TG: variants seen among roughly 807,000 people sequenced by gnomAD.
TG encodes the protein thyroid hormones.
In TG, 270 loss-of-function variants were observed where a neutral mutation model predicts 324.7. The ratio of observed to expected loss-of-function variants is 0.83; its 90% CI spans 0.75 to 0.92. The LOEUF (loss-of-function observed/expected upper bound fraction) is 0.92. Ranked by LOEUF, TG falls within the 40% of genes least tolerant of loss-of-function variation. The pLI is 0.00. For synonymous variants in TG, 1,401 were observed against 1,327.0 expected (o/e 1.06, Z -1.21); for missense variants, 3,591 against 3,456.4 (o/e 1.04, Z -0.98).
rs1319840951 is a variant in TG, at chr8:132,898,841, C to T, written c.3261C>T (p.Ser1087=). Residue 1087 remains serine, a synonymous_variant, in exon 14 of 48, where the codon TCC becomes TCT. Coordinates refer to ENST00000220616, the MANE Select transcript of TG (RefSeq NM_003235.5). ...CEKSRTSGLL[S]SWKQARSQEN... is the part of the protein sequence containing the mutation. The stretch of plus-strand genomic sequence containing the variant: ...AATCTCGAACCAGTGGGCTGCTTTC[C>T]AGTTGGAAACAGGCTAGATCCCAAG... The T allele has an allele frequency of 3.1e-6, 5 of 1,614,206 alleles. No individual in the cohort carries two copies. In the South Asian group the frequency reaches 4.4e-5, roughly 14 times the overall value.
At chr8:133,071,191 G>T (rs988656378) in intron 41 of TG, among the ~76,000 whole-genome samples, 1 of 152,194 alleles carries the variant, frequency 6.6e-6, no homozygotes, top group South Asian at 2.1e-4. Flanking sequence ...GTGTGTCCTA[G>T]GTGTGTTACA....
At chr8:132,964,876 G>T (rs552147589) in intron 29 of TG, 1 of 701,794 alleles carries the variant, frequency 1.4e-6, no homozygotes, top group Non-Finnish European at 2.6e-6. Flanking sequence ...CTAGCAGCCT[G>T]CAGGGGCCAG....
intron 30 of TG, among the ~76,000 whole-genome samples, chr8:132,966,945 AC>A (rs1828646269): frequency 6.6e-6 from 1 of 151,996 alleles, no homozygotes; most frequent in Non-Finnish European, 1.5e-5. Context: ...CCGTCCATTC[AC>A]CCATCCATCC....
At chr8:132,869,876 C>A in intron 3 of TG, 50 bp downstream of exon 3, 1 of 1,553,218 alleles carries the variant, frequency 6.4e-7, no homozygotes. Flanking sequence ...TAGGACAACT[C>A]ACTTCCAGGA....
chr8:133,029,777 G>T, intron 40 of TG, 44 bp from the exon 41 acceptor site: 1 of 1,612,482 alleles, frequency 6.2e-7, no homozygotes, highest in Non-Finnish European at 8.5e-7. Context: ...CAAATCCAAG[G>T]TTGTAAAGTC....
Position 133,098,475 on chromosome 8 carries a change from G to A in TG, c.7572+2102G>A, listed in dbSNP as rs190326254. ...TGGGATGGAGCTGGCCATTGACCAG[G>A]GACAATTTCCCACTCACCTCCTTAT... On this transcript the variant is annotated intron_variant, in intron 43 of 47. Transcript: ENST00000220616. Among the ~76,000 whole-genome samples, 15 of 152,242 alleles carry A rather than the reference G, an allele frequency of 9.9e-5. No homozygotes were observed. In the East Asian group the frequency reaches 2.7e-3, roughly 27 times the overall value.
At chr8:133,116,404 C>T (rs1431664065) in intron 44 of TG, among the ~76,000 whole-genome samples, 2 of 152,248 alleles carry the variant, frequency 1.3e-5, no homozygotes, top group East Asian at 3.9e-4. Context: ...GAACTGTGTA[C>T]CTACCATACC....
chr8:132,970,772 G>A (rs1829393437), intron 32 of TG, among the ~76,000 whole-genome samples: 1 of 152,172 alleles, frequency 6.6e-6, no homozygotes, highest in African/African-American at 2.4e-5. Context: ...GGAAAATGTA[G>A]TTGGCTGGGA....
chr8:133,029,928 C>T lies in TG; in HGVS notation c.7144C>T (p.Leu2382=). 1 of 1,614,218 alleles carries T rather than the reference C, an allele frequency of 6.2e-7. No individual in the cohort carries two copies. Among genetic ancestry groups the T allele is most frequent in the Non-Finnish European group, 8.5e-7 (1 of 1,180,032 alleles). ...GFGGDPRRVS[L]AADRGGADVA... is the part of the protein sequence containing the mutation. ...TGGCGGGGACCCTCGGCGCGTGTCC[C>T]TGGCAGCAGACCGTGGCGGGGCTGA... Residue 2382 remains leucine (L), a synonymous_variant, in exon 41 of 48, where the codon CTG becomes TTG. Coordinates refer to ENST00000220616, the MANE Select transcript of TG (RefSeq NM_003235.5).
chr8:133,064,941 G>T (rs990807305), intron 41 of TG, among the ~76,000 whole-genome samples: 1 of 152,136 alleles, frequency 6.6e-6, no homozygotes, highest in Non-Finnish European at 1.5e-5. Flanking sequence ...TCCAACCAAG[G>T]GAAGGCAGGT....
At chr8:133,051,055 A>C in intron 41 of TG, 1 of 622,050 alleles carries the variant, frequency 1.6e-6, no homozygotes. Flanking sequence ...ACCAATTTAC[A>C]GCAAGGTCCT....
intron 23 of TG, among the ~76,000 whole-genome samples, chr8:132,932,501 C>G (rs1822866131): frequency 1.3e-5 from 2 of 152,190 alleles, no homozygotes; most frequent in Non-Finnish European, 2.9e-5. Context: ...TCTAAATTTA[C>G]CTCTTACCTA....
chr8:133,048,346 A>G (rs1839846451), intron 41 of TG, among the ~76,000 whole-genome samples: 1 of 151,866 alleles, frequency 6.6e-6, no homozygotes, highest in Non-Finnish European at 1.5e-5. Flanking sequence ...TCAGCCTCCC[A>G]AGTAGCTGGG....
At chr8:133,018,983 TAAAG>T (rs1835311654) in intron 38 of TG, among the ~76,000 whole-genome samples, 1 of 152,238 alleles carries the variant, frequency 6.6e-6, no homozygotes, top group African/African-American at 2.4e-5. Flanking sequence ...ATGCGTGAAT[TAAAG>T]TGCCTTACCA....
intron 41 of TG, among the ~76,000 whole-genome samples, chr8:133,051,611 A>T (rs573540030): frequency 6.6e-6 from 1 of 152,320 alleles, no homozygotes; most frequent in Admixed American, 6.5e-5. Flanking sequence ...GTGTATTGAA[A>T]GGAATTCTGG....
rs775605977 is a variant in TG, at chr8:133,116,672, A to C, written c.7818A>C (p.Gly2606=). The change falls in exon 45 of 48, where the codon GGA becomes GGC. Residue 2606 remains glycine (G), a synonymous_variant. Coordinates refer to ENST00000220616, the MANE Select transcript of TG (RefSeq NM_003235.5). Reference sequence around the variant, plus strand: ...GTGCCTGGGCAAAGAGGGCCCGAGGAAACGTCTTCATGTACCATGCTCCTG... The same window carrying C: ...GTGCCTGGGCAAAGAGGGCCCGAGGCAACGTCTTCATGTACCATGCTCCTG... The part of the protein sequence containing the change: ...MASAWAKRAR[G]NVFMYHAPEN... 1 of 1,614,262 alleles carries C rather than the reference A, an allele frequency of 6.2e-7. No homozygotes were observed. The highest frequency in any genetic ancestry group is 2.2e-5 in the East Asian group (1 of 44,878).
At chr8:133,105,162 T>C (rs769068316) in intron 43 of TG, among the ~76,000 whole-genome samples, 78 of 152,312 alleles carry the variant, frequency 5.1e-4, no homozygotes, top group Non-Finnish European at 8.8e-4. Context: ...GTCTCCTTCT[T>C]CCCCAACCTG....
chr8:132,869,962 T>C, intron 3 of TG, 136 bp downstream of exon 3: 1 of 713,038 alleles, frequency 1.4e-6, no homozygotes, highest in Non-Finnish European at 2.4e-6. Context: ...TGAATAAGAA[T>C]CATCCCTGCA....
intron 40 of TG, among the ~76,000 whole-genome samples, chr8:133,029,243 T>A (rs78388786): frequency 3.0e-5 from 3 of 98,770 alleles, no homozygotes; most frequent in South Asian, 4.7e-4. Flanking sequence ...AAAAAAAAAA[T>A]AGTGTTGAGT....
Sources: allele counts gnomAD v4.1 joint callset (sites outside exome capture counted in the v4.1 genomes callset), GRCh38; gene constraint gnomAD v4.1.1; transcripts MANE v1.5; gene names NCBI Gene and HGNC (gene_info 2026-07-23, HGNC 2026-07-21).